The following LRP1 variants were observed in gnomAD, a reference collection of about 807,000 sequenced individuals.
LRP1 encodes prolow-density lipoprotein receptor-related protein 1.
In LRP1, 51 loss-of-function variants were observed where a neutral mutation model predicts 541.5. The observed-to-expected ratio is 0.09, with a 90% CI of 0.08 to 0.12. The LOEUF is 0.12. LRP1 is among the 10% of genes least tolerant of loss of function. The probability of loss-of-function intolerance (pLI) is 1.00; values close to 1 mark genes in which losing one functional copy is unlikely to be tolerated. For synonymous variants in LRP1, 2,219 were observed against 2,470.8 expected (o/e 0.90, Z 3.02); for missense variants, 3,878 against 6,376.2 (o/e 0.61, Z 13.34).
chr12:57,175,561 G>T lies in LRP1; in HGVS notation c.3649G>T (p.Asp1217Tyr). Residue 1217 changes from aspartate (D) to tyrosine (Y), a missense_variant, in exon 23 of 89, where the codon GAC becomes TAC. Transcript: ENST00000243077. ...SCPLGMELGP[D>Y]NHTCQIQSYC... The stretch of plus-strand genomic sequence containing the variant: ...CCCTCTGGGCATGGAGCTGGGGCCC[G>T]ACAACCACACCTGCCAGATCCAGAG... The T allele has an allele frequency of 6.2e-7, 1 of 1,614,132 alleles. No homozygotes were observed. Among genetic ancestry groups the T allele is most frequent in the Non-Finnish European group, 8.5e-7 (1 of 1,179,994 alleles).
At chr12:57,151,263 G>C (rs1272435294) in intron 6 of LRP1, among the ~76,000 whole-genome samples, 1 of 152,100 alleles carries the variant, frequency 6.6e-6, no homozygotes, top group East Asian at 1.9e-4. Flanking sequence ...AGTGGGATGG[G>C]GTGCCAGGAC....
At chr12:57,136,571 C>A (rs1411957314) in intron 1 of LRP1, among the ~76,000 whole-genome samples, 1 of 152,172 alleles carries the variant, frequency 6.6e-6, no homozygotes, top group African/African-American at 2.4e-5. Context: ...TCAGTGTGTG[C>A]CAGCAGAATA....
At chr12:57,209,462 A>G (rs908812281) in intron 79 of LRP1, among the ~76,000 whole-genome samples, 5 of 152,254 alleles carry the variant, frequency 3.3e-5, no homozygotes, top group Non-Finnish European at 5.9e-5. Context: ...AACGTAGCAA[A>G]TTGGGGGAGA....
rs35425257 is a variant in LRP1 at position 57,198,709 on chromosome 12, C to T, written c.9676+39C>T. 6,994 of 1,560,500 alleles carry T rather than the reference C, an allele frequency of 4.5e-3. 262 individuals are homozygous for T. In the African/African-American group the frequency reaches 0.077, roughly 17 times the overall value. On this transcript the variant is annotated intron_variant, in intron 60 of 88. Transcript: ENST00000243077. ...TGAGGCTGTCCAGGCACAGCAGACT[C>T]AGTGGGGATGGAGGTCTGAAGCGAC...
chr12:57,170,077 C>T (rs527272233), intron 20 of LRP1, among the ~76,000 whole-genome samples: 26 of 152,342 alleles, frequency 1.7e-4, no homozygotes, highest in Non-Finnish European at 3.2e-4. Flanking sequence ...CCCCAGCCTC[C>T]GCGGTTTGCT....
chr12:57,187,500 C>T, intron 42 of LRP1, 44 bp downstream of exon 42: 1 of 1,577,286 alleles, frequency 6.3e-7, no homozygotes, highest in Non-Finnish European at 8.6e-7. Context: ...AGAGGTGGGA[C>T]TCGGGGTGGC....
intron 15 of LRP1, 130 bp downstream of exon 15, chr12:57,163,113 C>A: frequency 2.3e-6 from 3 of 1,309,880 alleles, no homozygotes; most frequent in South Asian, 1.6e-5. Context: ...AGGGGGCCAA[C>A]AGGAAGCAAG....
chr12:57,138,302 G>T (rs559825745), intron 1 of LRP1, among the ~76,000 whole-genome samples, 157 bp from the exon 2 acceptor site: 2 of 151,892 alleles, frequency 1.3e-5, no homozygotes, highest in South Asian at 4.2e-4. Context: ...ACTACCCAAA[G>T]CCACCCCCTG....
At chr12:57,191,537 C>T in intron 44 of LRP1, 25 bp downstream of exon 44, 1 of 1,561,850 alleles carries the variant, frequency 6.4e-7, no homozygotes, top group East Asian at 2.3e-5. Flanking sequence ...CGCCAGCTGC[C>T]TCACCCTCCT....
intron 48 of LRP1, 130 bp downstream of exon 48, chr12:57,194,142 C>A: frequency 9.9e-7 from 1 of 1,009,146 alleles, no homozygotes; most frequent in Non-Finnish European, 1.5e-6. Flanking sequence ...CAGCCTCCAT[C>A]TCCCTGAGGC....
chr12:57,183,563 T>A lies in LRP1; in HGVS notation c.5794+53T>A. 6.3e-7 allele frequency: 1 copy of A among 1,575,760 alleles called. No individual in the cohort carries two copies. Among genetic ancestry groups the A allele is most frequent in the Non-Finnish European group, 8.6e-7 (1 of 1,158,434 alleles). ...GGGCGTGGCGTAGGAGCTTTAGGGG[T>A]GGTGTGGTGTGCCCTGAGGGTCCAG... On this transcript the variant is annotated intron_variant, in intron 35 of 88. Coordinates refer to ENST00000243077, the MANE Select transcript of LRP1 (RefSeq NM_002332.3). The surrounding 1 kb of genome is among the most constrained non-coding windows in gnomAD (Gnocchi z 6.1).
At chr12:57,169,348 C>T in intron 20 of LRP1, 41 bp downstream of exon 20, 1 of 1,548,094 alleles carries the variant, frequency 6.5e-7, no homozygotes. Flanking sequence ...GAGATCGAGC[C>T]CCCTGCATCA....
chr12:57,208,290 C>T, intron 77 of LRP1, 74 bp downstream of exon 77: 1 of 1,478,668 alleles, frequency 6.8e-7, no homozygotes, highest in Non-Finnish European at 9.2e-7. Context: ...GGGGCTGCAC[C>T]CACATGCGTG....
At position 57,156,163 on chromosome 12, in the gene LRP1, G is replaced by A. The variant is rs1245358304; in HGVS notation, c.1297G>A (p.Ala433Thr). 1 of 1,614,084 alleles carries A rather than the reference G, an allele frequency of 6.2e-7. No individual in the cohort carries two copies. The highest frequency in any genetic ancestry group is 2.2e-5 in the East Asian group (1 of 44,834). The change falls in exon 9 of 89, where the codon GCC (alanine) becomes ACC (threonine). Residue 433 changes from alanine (A) to threonine (T), a missense_variant. Ala to Thr is a moderately conservative substitution (Grantham distance 58). Around this residue, in one of 13 missense-constraint regions of LRP1, gnomAD observed 496 missense variants for 861.0 expected, o/e 0.58. Coordinates refer to ENST00000243077, the MANE Select transcript of LRP1 (RefSeq NM_002332.3). The surrounding 1 kb of genome is among the most constrained non-coding windows in gnomAD (Gnocchi z 5.2). ...TGCCACCAACTCGGACAATGCCAAT[G>A]CCCAGCAGAAGACGAGTGTGATCCG... ...LYATNSDNANAQQKTSVIRVN... is the reference protein window; with the variant it reads ...LYATNSDNANTQQKTSVIRVN...
rs1409335098 is a variant in LRP1 at position 57,177,622 on chromosome 12, A to C, written c.4361+31A>C. On this transcript the variant is annotated intron_variant, in intron 26 of 88. Transcript: ENST00000243077. This position sits in a 1 kb window ranked among gnomAD's most constrained non-coding sequence, Gnocchi z 6.8. ...CACCCTCTGTGCCCTGAGAAGGCCCAAGTCTGTGGCACCAGGACGGGGTGG... is the reference window on the plus strand; with the variant it reads ...CACCCTCTGTGCCCTGAGAAGGCCCCAGTCTGTGGCACCAGGACGGGGTGG... 3.1e-6 allele frequency: 5 copies of C among 1,611,346 alleles called. No individual in the cohort carries two copies. Among genetic ancestry groups the C allele is most frequent in the Non-Finnish European group, 4.2e-6 (5 of 1,178,880 alleles).
chr12:57,172,963 T>C (rs1029485513), intron 20 of LRP1, among the ~76,000 whole-genome samples: 4 of 152,150 alleles, frequency 2.6e-5, no homozygotes, highest in Non-Finnish European at 4.4e-5. Context: ...ATGAGGTGAT[T>C]GTGGGGCCCT....
intron 2 of LRP1, among the ~76,000 whole-genome samples, chr12:57,140,551 G>T (rs2035268053): frequency 6.6e-6 from 1 of 152,074 alleles, no homozygotes. Context: ...TGAACTTGCC[G>T]CCTTTCAAGT....
Position 57,177,252 on chromosome 12 carries a change from ACCTTGCCCAGCCTTC to A in LRP1, c.4196+8_4196+22del, listed in dbSNP as rs1271015805. ...CACTGGATCCCCGGGATGGGTGAGGACCTTGCCCAGCCTTCTCCTGGCCCCATGGCCCCCCTGAAG... is the reference window on the plus strand; with the variant it reads ...CACTGGATCCCCGGGATGGGTGAGGATCCTGGCCCCATGGCCCCCCTGAAG... On this transcript the variant is annotated splice_region_variant and intron_variant, in intron 25 of 88. Transcript: ENST00000243077. This position sits in a 1 kb window ranked among gnomAD's most constrained non-coding sequence, Gnocchi z 6.8. 1 of 1,612,774 alleles carries A rather than the reference ACCTTGCCCAGCCTTC, an allele frequency of 6.2e-7. No homozygotes were observed. The highest frequency in any genetic ancestry group is 1.7e-5 in the Admixed American group (1 of 59,966).
intron 18 of LRP1, 94 bp downstream of exon 18, chr12:57,167,140 A>AAGTGCTGGGTT: frequency 2.0e-6 from 2 of 1,014,044 alleles, no homozygotes; most frequent in Non-Finnish European, 3.0e-6. Context: ...CCTGCAACCC[A>AAGTGCTGGGTT]GCACTTGGGT....
Sources: allele counts gnomAD v4.1 joint callset (sites outside exome capture counted in the v4.1 genomes callset), GRCh38; gene constraint gnomAD v4.1.1; regional missense constraint gnomAD v4.1.1; non-coding constraint Gnocchi (gnomAD v3.1); transcripts MANE v1.5; gene names NCBI Gene and HGNC (gene_info 2026-07-23, HGNC 2026-07-21).